ITCH: variants seen among roughly 807,000 people sequenced by gnomAD.
ITCH encodes itchy E3 ubiquitin protein ligase.
A neutral mutation model predicts 126.8 loss-of-function variants in ITCH; 28 were observed. That is an observed-to-expected ratio of 0.22 (90% CI 0.16 to 0.30). ITCH has a LOEUF of 0.30. Among genes scored for constraint, ITCH ranks in the 10% least tolerant of loss-of-function variants. The pLI, the probability that ITCH is intolerant of heterozygous loss-of-function variation, is 1.00. For missense variants in ITCH, 631 were observed against 1,032.4 expected (o/e 0.61, Z 5.33); for synonymous variants, 342 against 340.0 (o/e 1.01, Z -0.06).
chr20:34,404,838 T>C (rs1287029510), intron 3 of ITCH, among the ~76,000 whole-genome samples: 1 of 152,050 alleles, frequency 6.6e-6, no homozygotes, highest in Admixed American at 6.6e-5. Context: ...TCCACCCCCA[T>C]GTAAAGTTTG....
intron 20 of ITCH, among the ~76,000 whole-genome samples, chr20:34,485,051 A>C (rs749180664): frequency 1.3e-5 from 2 of 152,216 alleles, no homozygotes; most frequent in Non-Finnish European, 2.9e-5. Context: ...GTACTCTTAT[A>C]TCTAGCTTTT....
chr20:34,454,320 G>C (rs1293324316), intron 12 of ITCH: 1 of 151,666 alleles, frequency 6.6e-6, no homozygotes, highest in Non-Finnish European at 1.5e-5. Context: ...TGTATTTTTA[G>C]TAGAGACGGG....
At chr20:34,496,523 G>C (rs1390253528) in intron 23 of ITCH, among the ~76,000 whole-genome samples, 1 of 152,046 alleles carries the variant, frequency 6.6e-6, no homozygotes, top group East Asian at 1.9e-4. Flanking sequence ...TCTTGGCTCA[G>C]GGCCAGGTGT....
rs577883845 is a variant in ITCH, at chr20:34,425,324, C to T, written c.521+799C>T. 3.9e-5 allele frequency among the ~76,000 whole-genome samples: 6 copies of T among 152,238 alleles called. No homozygotes were observed. In the East Asian group the frequency reaches 7.7e-4, roughly 20 times the overall value. ...CCGCAGGGACCTCTGCCCAAGAAAG[C>T]CTGGGTATTGTCCAAGGTTTCCCCC... On this transcript the variant is annotated intron_variant, in intron 7 of 24. Transcript: ENST00000374864.
At chr20:34,491,012 C>G (rs1285012842) in intron 22 of ITCH, among the ~76,000 whole-genome samples, 1 of 152,068 alleles carries the variant, frequency 6.6e-6, no homozygotes, top group African/African-American at 2.4e-5. Flanking sequence ...CATTTAATAC[C>G]CTTATCATAA....
chr20:34,474,000 C>G (rs929736446), intron 16 of ITCH, among the ~76,000 whole-genome samples: 2 of 152,160 alleles, frequency 1.3e-5, no homozygotes, highest in Non-Finnish European at 1.5e-5. Context: ...TAATATATTT[C>G]CTTAACCTAT....
At chr20:34,409,958 A>G (rs1444509671) in intron 4 of ITCH, among the ~76,000 whole-genome samples, 1 of 151,956 alleles carries the variant, frequency 6.6e-6, no homozygotes, top group East Asian at 1.9e-4. Context: ...TGAGGCCAGG[A>G]GTTCAAAGGT....
At chr20:34,437,170 A>G (rs909516263) in intron 7 of ITCH, among the ~76,000 whole-genome samples, 5 of 152,004 alleles carry the variant, frequency 3.3e-5, no homozygotes, top group African/African-American at 1.2e-4. Flanking sequence ...GAGGAGAGAG[A>G]GATGTTAATT....
chr20:34,415,788 C>T (rs371947006), intron 6 of ITCH, among the ~76,000 whole-genome samples: 1 of 152,208 alleles, frequency 6.6e-6, no homozygotes, highest in African/African-American at 2.4e-5. Flanking sequence ...TTATAGTGTC[C>T]TAAGCTTCGC....
At chr20:34,455,975 T>C (rs1219555687) in intron 12 of ITCH, among the ~76,000 whole-genome samples, 1 of 151,516 alleles carries the variant, frequency 6.6e-6, no homozygotes, top group African/African-American at 2.4e-5. Context: ...ATATTTAGGA[T>C]TTTGGAACTG....
chr20:34,487,231 C>G (rs1247990187), intron 20 of ITCH, among the ~76,000 whole-genome samples: 1 of 151,778 alleles, frequency 6.6e-6, no homozygotes, highest in Admixed American at 6.6e-5. Context: ...CCAGGAAAGT[C>G]TCAATCTCCT....
chr20:34,413,324 C>A (rs909080370), intron 5 of ITCH, among the ~76,000 whole-genome samples: 5 of 152,010 alleles, frequency 3.3e-5, no homozygotes, highest in African/African-American at 1.2e-4. Context: ...TTCTACCCCT[C>A]GACTATCTAA....
At chr20:34,402,733 A>T (rs577685486) in intron 3 of ITCH, 1 of 368,710 alleles carries the variant, frequency 2.7e-6, no homozygotes, top group Non-Finnish European at 5.4e-6. Context: ...AAATATTTCA[A>T]ATCTCATGTT....
chr20:34,394,758 CTCT>C, intron 3 of ITCH, among the ~76,000 whole-genome samples: 1 of 152,224 alleles, frequency 6.6e-6, no homozygotes, highest in African/African-American at 2.4e-5. Context: ...TGGTTATATA[CTCT>C]TCTTCATAGG....
At chr20:34,370,181 G>A (rs560064896) in intron 2 of ITCH, among the ~76,000 whole-genome samples, 4 of 151,876 alleles carry the variant, frequency 2.6e-5, no homozygotes, top group Admixed American at 1.3e-4. Context: ...TCTGGGTTCC[G>A]ATTTGATTTT....
At chr20:34,452,284 A>G (rs1260318282) in intron 12 of ITCH, among the ~76,000 whole-genome samples, 1 of 152,046 alleles carries the variant, frequency 6.6e-6, no homozygotes, top group African/African-American at 2.4e-5. Flanking sequence ...TTTCTTTATC[A>G]TCCAGATCTT....
At chr20:34,478,170 C>T (rs1185711495) in intron 17 of ITCH, among the ~76,000 whole-genome samples, 1 of 152,116 alleles carries the variant, frequency 6.6e-6, no homozygotes, top group East Asian at 1.9e-4. Flanking sequence ...AATTGTAGAG[C>T]CTGGATGCAA....
At chr20:34,381,617 G>A (rs1215822294) in intron 2 of ITCH, among the ~76,000 whole-genome samples, 3 of 151,938 alleles carry the variant, frequency 2.0e-5, no homozygotes, top group Admixed American at 6.6e-5. Flanking sequence ...TAGTAGAGAC[G>A]GGGTTTCACC....
chr20:34,390,487 A>G (rs796170081), intron 2 of ITCH, among the ~76,000 whole-genome samples: 63 of 112,740 alleles, frequency 5.6e-4, no homozygotes, highest in Middle Eastern at 0.013. Context: ...GTCTAGCTCT[A>G]TTGCCCAGGC....
Sources: allele counts gnomAD v4.1 joint callset (sites outside exome capture counted in the v4.1 genomes callset), GRCh38; gene constraint gnomAD v4.1.1; transcripts MANE v1.5; gene names NCBI Gene and HGNC (gene_info 2026-07-23, HGNC 2026-07-21).